MAML3: variants seen among roughly 807,000 people sequenced by gnomAD.
The protein encoded by MAML3 is mastermind-like protein 3.
Under a neutral mutation model 101.9 loss-of-function variants are expected in MAML3, and 27 were observed. The observed-to-expected ratio is 0.27, with a 90% CI of 0.20 to 0.37. MAML3 has a LOEUF of 0.37. Ranked by LOEUF, MAML3 falls within the 10% of genes least tolerant of loss-of-function variation. The pLI is 1.00. For missense variants in MAML3, 1,316 were observed against 1,444.9 expected (o/e 0.91, Z 1.45); for synonymous variants, 501 against 555.9 (o/e 0.90, Z 1.39).
chr4:140,105,563 T>C (rs1728337021), intron 1 of MAML3, among the ~76,000 whole-genome samples: 1 of 152,224 alleles, frequency 6.6e-6, no homozygotes, highest in Non-Finnish European at 1.5e-5. Flanking sequence ...AACAGGATTA[T>C]TCTCTACAGG....
chr4:139,748,586 G>T (rs1729396951), intron 2 of MAML3, among the ~76,000 whole-genome samples: 1 of 152,204 alleles, frequency 6.6e-6, no homozygotes, highest in Non-Finnish European at 1.5e-5. Context: ...ACAGACCCTG[G>T]CTGGGAGGAC....
chr4:140,091,597 C>A (rs1298031581), intron 1 of MAML3, among the ~76,000 whole-genome samples: 1 of 142,370 alleles, frequency 7.0e-6, no homozygotes, highest in African/African-American at 2.6e-5. Flanking sequence ...CTGAAGGAAA[C>A]CACATAAACA....
chr4:140,152,050 C>T (rs1301630844), intron 1 of MAML3, among the ~76,000 whole-genome samples: 1 of 152,172 alleles, frequency 6.6e-6, no homozygotes, highest in Non-Finnish European at 1.5e-5. Flanking sequence ...TGTGGTGGGG[C>T]CTCTTGGCGC....
At chr4:140,013,268 T>C (rs1311581195) in intron 1 of MAML3, among the ~76,000 whole-genome samples, 2 of 152,220 alleles carry the variant, frequency 1.3e-5, no homozygotes, top group East Asian at 1.9e-4. Flanking sequence ...CTTGTCTCCC[T>C]ACAGTCCATG....
chr4:140,104,668 T>C (rs534448556), intron 1 of MAML3, among the ~76,000 whole-genome samples: 86 of 150,696 alleles, frequency 5.7e-4, no homozygotes, highest in African/African-American at 2.0e-3. Context: ...AATTTTTGTG[T>C]TTTTTGTGGA....
Position 140,117,031 on chromosome 4 carries a change from T to C in MAML3, c.468+35829A>G, listed in dbSNP as rs117016894. On this transcript the variant is annotated intron_variant, in intron 1 of 4. Transcript: ENST00000509479. ...AGTTCCAGACTTGGACTGTCTTTCC[T>C]CTTCCACAGCAGAATTTAAAAAGCT... 2.4e-3 allele frequency among the ~76,000 whole-genome samples: 367 copies of C among 152,346 alleles called. 13 individuals are homozygous for C. The East Asian group carries it at 0.041, about 17-fold the overall frequency.
chr4:139,732,805 T>C (rs1214506973), intron 2 of MAML3, among the ~76,000 whole-genome samples: 2 of 152,228 alleles, frequency 1.3e-5, no homozygotes, highest in South Asian at 2.1e-4. Flanking sequence ...TGTAGACCTA[T>C]ATACTGTGTC....
intron 2 of MAML3, among the ~76,000 whole-genome samples, chr4:139,798,036 G>GAAA (rs1458498318): frequency 1.3e-4 from 1 of 7,810 alleles, no homozygotes; most frequent in Non-Finnish European, 3.6e-4. Flanking sequence ...GAGAGAGAGA[G>GAAA]AAAGAAAGAA....
chr4:140,071,689 G>A (rs988571121), intron 1 of MAML3, among the ~76,000 whole-genome samples: 6 of 149,368 alleles, frequency 4.0e-5, no homozygotes, highest in Non-Finnish European at 8.9e-5. Context: ...ACGTATCAGC[G>A]TACATTCTCT....
At chr4:139,801,633 G>GGTGTGTGTGGGTGTGT (rs1307419725) in intron 2 of MAML3, among the ~76,000 whole-genome samples, 1 of 146,394 alleles carries the variant, frequency 6.8e-6, no homozygotes, top group Non-Finnish European at 1.5e-5. Flanking sequence ...GCAGGAACAG[G>GGTGTGTGTGGGTGTGT]GTGTGTGTGG....
intron 1 of MAML3, among the ~76,000 whole-genome samples, chr4:140,028,647 G>C (rs1726863468): frequency 6.6e-6 from 1 of 151,936 alleles, no homozygotes; most frequent in South Asian, 2.1e-4. Context: ...TCTTCTTAAA[G>C]GCCAGTTTTA....
chr4:139,809,865 T>TACACAC (rs71584333), intron 2 of MAML3, among the ~76,000 whole-genome samples: 8,454 of 142,942 alleles, frequency 0.059, 313 homozygotes, highest in Admixed American at 0.083. Flanking sequence ...TACCTGCACG[T>TACACAC]ACACACACAC....
At chr4:139,857,941 C>A (rs74976401) in intron 2 of MAML3, among the ~76,000 whole-genome samples, 1 of 152,280 alleles carries the variant, frequency 6.6e-6, no homozygotes, top group East Asian at 1.9e-4. Context: ...ATTCAATGGA[C>A]ATATGCCACC....
chr4:139,802,869 CT>C (rs1730632917), intron 2 of MAML3, among the ~76,000 whole-genome samples: 1 of 152,168 alleles, frequency 6.6e-6, no homozygotes, highest in Non-Finnish European at 1.5e-5. Context: ...ACTTAAAGTG[CT>C]TTGGAAACTG....
intron 1 of MAML3, among the ~76,000 whole-genome samples, chr4:140,151,215 G>A (rs929429191): frequency 7.9e-5 from 12 of 152,204 alleles, no homozygotes; most frequent in South Asian, 2.1e-4. Context: ...GAGGAGGAAG[G>A]GGAGGGGGAG....
chr4:139,990,854 G>A (rs1425157738), intron 1 of MAML3, among the ~76,000 whole-genome samples: 1 of 152,110 alleles, frequency 6.6e-6, no homozygotes, highest in Non-Finnish European at 1.5e-5. Context: ...GGGACGTGAA[G>A]GACCTCTTCA....
rs184138103 is a variant in MAML3 at position 139,807,080 on chromosome 4, C to T, written c.2080-76413G>A. On this transcript the variant is annotated intron_variant, in intron 2 of 4. Transcript: ENST00000509479. ...CACAATAATTTAAAGAGACAATATA[C>T]GTTCAGTGGCAAACTAAATTAGCTG... Among the ~76,000 whole-genome samples the T allele has an allele frequency of 1.8e-3, 269 of 152,248 alleles. 1 individual carries two copies. The highest frequency in any genetic ancestry group is 3.0e-3 in the Non-Finnish European group (205 of 68,008).
chr4:139,861,477 ATGTGTGTGTGTGTG>A (rs55851938), intron 2 of MAML3, among the ~76,000 whole-genome samples: 1 of 146,394 alleles, frequency 6.8e-6, no homozygotes, highest in Non-Finnish European at 1.5e-5. Context: ...TAACCAGCCG[ATGTGTGTGTGTGTG>A]TGTGTGTGTG....
In MAML3 at chr4:139,730,563, G is replaced by T. The variant is rs1366316496; in HGVS notation, c.2184C>A (p.Gly728=). 2 of 1,594,460 alleles carry T rather than the reference G, an allele frequency of 1.3e-6. No individual in the cohort carries two copies. The highest frequency in any genetic ancestry group is 8.5e-7 in the Non-Finnish European group (1 of 1,171,098). The change falls in exon 3 of 5, where the codon GGC becomes GGA. Residue 728 remains glycine (G), a synonymous_variant. Coordinates refer to ENST00000509479, the MANE Select transcript of MAML3 (RefSeq NM_018717.5). ...CTGCTTGGGGCTGGCTGCCCAGGAAGCCGGGGCCTGCGGGACTGGCTCCTG... is the reference window on the plus strand; with the variant it reads ...CTGCTTGGGGCTGGCTGCCCAGGAATCCGGGGCCTGCGGGACTGGCTCCTG... The part of the protein sequence containing the change: ...MVSGASPAGP[G]FLGSQPQAAI...
Sources: allele counts gnomAD v4.1 joint callset (sites outside exome capture counted in the v4.1 genomes callset), GRCh38; gene constraint gnomAD v4.1.1; transcripts MANE v1.5; gene names NCBI Gene and HGNC (gene_info 2026-07-23, HGNC 2026-07-21).